Variants in NT5DC1 observed in about 807,000 individuals in gnomAD.
The protein encoded by NT5DC1 is 5'-nucleotidase domain containing 1.
In NT5DC1, 42 loss-of-function variants were observed where a neutral mutation model predicts 59.4. The ratio of observed to expected loss-of-function variants is 0.71; its 90% CI spans 0.55 to 0.92. The LOEUF (loss-of-function observed/expected upper bound fraction) is 0.92, where lower values mean the gene tolerates loss of function less well. Among genes scored for constraint, NT5DC1 ranks in the 40% least tolerant of loss-of-function variants. The pLI, the probability that NT5DC1 is intolerant of heterozygous loss-of-function variation, is 0.00. For synonymous variants in NT5DC1, 172 were observed against 188.1 expected (o/e 0.91, Z 0.70); for missense variants, 501 against 537.1 (o/e 0.93, Z 0.66).
At position 116,247,087 on chromosome 6, in the gene NT5DC1, G is replaced by A. The variant is rs1771863564; in HGVS notation, c.*3063G>A. On this transcript the variant is annotated 3_prime_UTR_variant, in exon 12 of 12. Coordinates refer to ENST00000319550, the MANE Select transcript of NT5DC1 (RefSeq NM_152729.3). ...GTAAGAGAGCAATACATGAACCCAAGTTTGATCCTCAAAATCACACTTTTA... is the reference window on the plus strand; with the variant it reads ...GTAAGAGAGCAATACATGAACCCAAATTTGATCCTCAAAATCACACTTTTA... 6.6e-6 allele frequency: 1 copy of A among 152,116 alleles called. No individual in the cohort carries two copies. Among genetic ancestry groups the A allele is most frequent in the Non-Finnish European group, 1.5e-5 (1 of 67,998 alleles). 9.4% of individuals were successfully genotyped at this position (152,116 alleles called of 1,614,324 possible).
chr6:116,163,894 G>A (rs777245714), intron 6 of NT5DC1, among the ~76,000 whole-genome samples: 19 of 152,018 alleles, frequency 1.2e-4, no homozygotes, highest in Non-Finnish European at 2.2e-4. Flanking sequence ...TTCCATTTAC[G>A]TATGTGGTTT....
chr6:116,105,906 T>G (rs955643553), intron 1 of NT5DC1, among the ~76,000 whole-genome samples: 1 of 152,194 alleles, frequency 6.6e-6, no homozygotes, highest in Non-Finnish European at 1.5e-5. Context: ...GTCATCATCT[T>G]TATCATCTTA....
At chr6:116,120,698 C>A in intron 6 of NT5DC1, 1 of 1,553,670 alleles carries the variant, frequency 6.4e-7, no homozygotes, top group Non-Finnish European at 8.6e-7. Flanking sequence ...GCCAGGAGGA[C>A]CGGGACTTCC....
chr6:116,140,837 C>T (rs1011403462), intron 6 of NT5DC1, among the ~76,000 whole-genome samples: 1 of 152,104 alleles, frequency 6.6e-6, no homozygotes, highest in South Asian at 2.1e-4. Context: ...TTTCACTGCT[C>T]TGTAGTTTAC....
intron 8 of NT5DC1, among the ~76,000 whole-genome samples, chr6:116,231,153 C>CCCG (rs1406519445): frequency 5.4e-5 from 8 of 146,870 alleles, no homozygotes; most frequent in Non-Finnish European, 1.0e-4. Flanking sequence ...GTAAATCCCC[C>CCCG]CCCCAAACCA....
At chr6:116,131,752 T>G (rs752115267) in intron 6 of NT5DC1, among the ~76,000 whole-genome samples, 1 of 152,176 alleles carries the variant, frequency 6.6e-6, no homozygotes, top group African/African-American at 2.4e-5. Flanking sequence ...GGCTTTATTG[T>G]ACAGTTTATT....
Position 116,246,195 on chromosome 6 carries a change from A to C in NT5DC1, c.*2171A>C, listed in dbSNP as rs1392332080. The C allele has an allele frequency of 6.6e-6, 1 of 152,160 alleles. No homozygotes were observed. Among genetic ancestry groups the C allele is most frequent in the Non-Finnish European group, 1.5e-5 (1 of 67,972 alleles). 9.4% of individuals were successfully genotyped at this position (152,160 alleles called of 1,614,324 possible). The stretch of plus-strand genomic sequence containing the variant: ...AGACATGTAATATTCGCATACAGGC[A>C]AACATTCATAATCTAAAGGACACCT... On this transcript the variant is annotated 3_prime_UTR_variant, in exon 12 of 12. Transcript: ENST00000319550.
rs181543990 is a variant in NT5DC1, at chr6:116,238,004, C to T, written c.922-183C>T. On this transcript the variant is annotated intron_variant, in intron 9 of 11. Transcript: ENST00000319550. The stretch of plus-strand genomic sequence containing the variant: ...AACTTCTTAAGACAAATCTGGCACC[C>T]TGTGAATCAAATGAGACAAGTTGAT... Among the ~76,000 whole-genome samples the T allele has an allele frequency of 3.3e-5, 5 of 152,302 alleles. No individual in the cohort carries two copies. The East Asian group carries it at 7.7e-4, about 23-fold the overall frequency.
chr6:116,123,612 T>C (rs1194600452), intron 6 of NT5DC1, among the ~76,000 whole-genome samples: 2 of 152,238 alleles, frequency 1.3e-5, no homozygotes, highest in Non-Finnish European at 2.9e-5. Flanking sequence ...AATTATGTAA[T>C]AACTCTTTGA....
chr6:116,143,662 A>G (rs1464551015), intron 6 of NT5DC1, among the ~76,000 whole-genome samples: 19 of 152,042 alleles, frequency 1.2e-4, no homozygotes, highest in Non-Finnish European at 2.8e-4. Flanking sequence ...TGTTAATTTA[A>G]TATTTTGTTG....
chr6:116,201,169 A>T (rs984316880), intron 6 of NT5DC1, among the ~76,000 whole-genome samples: 1 of 152,044 alleles, frequency 6.6e-6, no homozygotes, highest in Non-Finnish European at 1.5e-5. Context: ...GAGTCACCAC[A>T]TGTAAAATCT....
Position 116,247,007 on chromosome 6 carries a change from G to T in NT5DC1, c.*2983G>T, listed in dbSNP as rs1771861558. On this transcript the variant is annotated 3_prime_UTR_variant, in exon 12 of 12. Transcript: ENST00000319550. Reference sequence around the variant, plus strand: ...TATAATTATTAAATTGTACAGATGGGAAAATTGAAATTCAGAGAGATTAAA... The same window carrying T: ...TATAATTATTAAATTGTACAGATGGTAAAATTGAAATTCAGAGAGATTAAA... The T allele has an allele frequency of 6.6e-6, 1 of 152,130 alleles. No individual in the cohort carries two copies. Among genetic ancestry groups the T allele is most frequent in the Non-Finnish European group, 1.5e-5 (1 of 68,006 alleles). The allele number at this position is 152,130 out of a possible 1,614,324, so 9.4% of individuals were successfully genotyped here.
chr6:116,102,692 A>G (rs1778684323), intron 1 of NT5DC1, among the ~76,000 whole-genome samples: 3 of 152,230 alleles, frequency 2.0e-5, no homozygotes, highest in South Asian at 2.1e-4. Flanking sequence ...ACAGTAACCT[A>G]TTGAGTTTTG....
chr6:116,178,106 CGTGCGT>C (rs71714630), intron 6 of NT5DC1, among the ~76,000 whole-genome samples: 15,943 of 130,292 alleles, frequency 0.12, 1,030 homozygotes, highest in Middle Eastern at 0.15. Flanking sequence ...CGCGCGCGTG[CGTGCGT>C]GTGTGTGTGT....
chr6:116,237,157 C>T, intron 9 of NT5DC1, 73 bp downstream of exon 9: 1 of 812,228 alleles, frequency 1.2e-6, no homozygotes, highest in East Asian at 2.4e-5. Flanking sequence ...CCAAATCTCT[C>T]CTCTTAATTC....
chr6:116,134,445 T>C (rs191258565), intron 6 of NT5DC1, among the ~76,000 whole-genome samples: 18 of 152,336 alleles, frequency 1.2e-4, no homozygotes, highest in Non-Finnish European at 2.5e-4. Flanking sequence ...GACTATGGGT[T>C]ATTTATTATT....
At chr6:116,238,380 G>A (rs1156444140) in intron 10 of NT5DC1, 32 bp downstream of exon 10, 2 of 1,430,602 alleles carry the variant, frequency 1.4e-6, no homozygotes, top group Admixed American at 2.5e-5. Flanking sequence ...TTCCTTGAAA[G>A]ACAAATATTT....
intron 6 of NT5DC1, among the ~76,000 whole-genome samples, chr6:116,157,909 A>G (rs867082044): frequency 1.3e-5 from 2 of 152,218 alleles, no homozygotes; most frequent in Non-Finnish European, 1.5e-5. Context: ...GAAGTACAGA[A>G]ATAAAATGTC....
chr6:116,196,019 G>A (rs748073866), intron 6 of NT5DC1, among the ~76,000 whole-genome samples: 17 of 151,976 alleles, frequency 1.1e-4, no homozygotes, highest in Non-Finnish European at 2.2e-4. Context: ...AGTACCTATT[G>A]TAACACTCAT....
Sources: gnomAD v4.1 joint callset for allele counts (sites outside exome capture counted in the v4.1 genomes callset) on GRCh38, gnomAD v4.1.1 for gene constraint, MANE v1.5 for transcripts, NCBI Gene and HGNC (gene_info 2026-07-23, HGNC 2026-07-21) for gene names.